The following PHACTR1 variants were observed in gnomAD, a reference collection of about 807,000 sequenced individuals.
PHACTR1 encodes phosphatase and actin regulator 1.
PHACTR1 carries 16 observed loss-of-function variants against 69.2 expected under a neutral mutation model. The ratio of observed to expected loss-of-function variants is 0.23; its 90% CI spans 0.16 to 0.35. The LOEUF is 0.35. Among genes scored for constraint, PHACTR1 ranks in the 10% least tolerant of loss-of-function variants. PHACTR1 has a pLI of 1.00. For missense variants in PHACTR1, 510 were observed against 734.7 expected, an observed-to-expected ratio of 0.69 and a Z score of 3.54; for synonymous variants, 312 against 284.5, an observed-to-expected ratio of 1.10 and a Z score of -0.97.
intron 5 of PHACTR1, among the ~76,000 whole-genome samples, chr6:13,143,952 G>C (rs1255905148): frequency 6.6e-6 from 1 of 151,986 alleles, no homozygotes; most frequent in East Asian, 1.9e-4. Context: ...GAATAAAGGG[G>C]AATATCTTAT....
At chr6:12,758,465 C>A (rs1014964614) in intron 4 of PHACTR1, among the ~76,000 whole-genome samples, 58 of 81,576 alleles carry the variant, frequency 7.1e-4, no homozygotes, top group Middle Eastern at 9.6e-3. Flanking sequence ...GACTCTCTTT[C>A]TAAAAAAAAA....
chr6:13,006,649 G>T (rs1224481069), intron 4 of PHACTR1, among the ~76,000 whole-genome samples: 1 of 151,298 alleles, frequency 6.6e-6, no homozygotes, highest in Non-Finnish European at 1.5e-5. Flanking sequence ...ATTAAATAAG[G>T]TGATATATGA....
At chr6:12,809,025 G>A (rs1040982143) in intron 4 of PHACTR1, among the ~76,000 whole-genome samples, 2 of 151,846 alleles carry the variant, frequency 1.3e-5, no homozygotes, top group African/African-American at 4.8e-5. Context: ...CTATAGTCAT[G>A]TGCCACCACT....
At chr6:12,857,879 C>G (rs1268189328) in intron 4 of PHACTR1, among the ~76,000 whole-genome samples, 1 of 152,164 alleles carries the variant, frequency 6.6e-6, no homozygotes, top group East Asian at 1.9e-4. Flanking sequence ...GATTTGTAGT[C>G]ACAAGATCTG....
chr6:13,177,168 T>C, intron 6 of PHACTR1, among the ~76,000 whole-genome samples: 1 of 54,872 alleles, frequency 1.8e-5, no homozygotes, highest in Non-Finnish European at 2.9e-5. Flanking sequence ...CAAGACCCCA[T>C]CTCTAAAAAA....
intron 4 of PHACTR1, among the ~76,000 whole-genome samples, chr6:13,037,585 G>A (rs1158320307): frequency 6.6e-6 from 1 of 152,218 alleles, no homozygotes; most frequent in Non-Finnish European, 1.5e-5. Flanking sequence ...TCTTGTGTTT[G>A]AAGACTAGAG....
At position 12,977,203 on chromosome 6, in the gene PHACTR1, C is replaced by T. The variant is rs1206337214; in HGVS notation, c.251-76162C>T. On this transcript the variant is annotated intron_variant, in intron 4 of 14. Transcript: ENST00000332995. ...TTGACCTCAGGTGATCCACCTGCCT[C>T]GGCCTTCCAAAGTTCTAGGATTACA... is the stretch of plus-strand genomic sequence containing the variant. Among the ~76,000 whole-genome samples, 5 of 152,292 alleles carry T rather than the reference C, an allele frequency of 3.3e-5. No homozygotes were observed. In the South Asian group the frequency reaches 6.2e-4, roughly 19 times the overall value.
chr6:12,726,740 G>A (rs1276333872), intron 3 of PHACTR1, among the ~76,000 whole-genome samples: 2 of 152,168 alleles, frequency 1.3e-5, no homozygotes, highest in African/African-American at 4.8e-5. Flanking sequence ...AAGGACTGGG[G>A]CAGGAACAGT....
chr6:12,887,834 C>G (rs1269611899), intron 4 of PHACTR1, among the ~76,000 whole-genome samples: 1 of 151,680 alleles, frequency 6.6e-6, no homozygotes, highest in African/African-American at 2.4e-5. Flanking sequence ...TTTGGGAGAC[C>G]AAGGCGGGTG....
chr6:12,870,765 T>C (rs1415603954), intron 4 of PHACTR1, among the ~76,000 whole-genome samples: 2 of 151,962 alleles, frequency 1.3e-5, no homozygotes, highest in Non-Finnish European at 2.9e-5. Flanking sequence ...CAGCTAGGAG[T>C]CAACAGCCAC....
intron 5 of PHACTR1, among the ~76,000 whole-genome samples, chr6:13,102,831 G>T (rs1815394278): frequency 6.6e-6 from 1 of 152,192 alleles, no homozygotes; most frequent in Non-Finnish European, 1.5e-5. Flanking sequence ...GTTGCATTAT[G>T]TTATTCATAT....
intron 4 of PHACTR1, among the ~76,000 whole-genome samples, chr6:12,959,994 T>C (rs777050297): frequency 7.6e-4 from 116 of 152,330 alleles, no homozygotes; most frequent in African/African-American, 2.4e-3. Context: ...ACTGGTGAAA[T>C]AGGACAGATT....
At chr6:12,909,279 C>G (rs1786093425) in intron 4 of PHACTR1, among the ~76,000 whole-genome samples, 2 of 152,196 alleles carry the variant, frequency 1.3e-5, no homozygotes, top group South Asian at 4.1e-4. Context: ...TCACTGCAAC[C>G]TATTCTTCCT....
chr6:13,209,729 A>G (rs1766515433), intron 8 of PHACTR1, among the ~76,000 whole-genome samples: 1 of 152,230 alleles, frequency 6.6e-6, no homozygotes, highest in Non-Finnish European at 1.5e-5. Flanking sequence ...CTGCTCCAAC[A>G]GGACGTTCCC....
intron 4 of PHACTR1, among the ~76,000 whole-genome samples, chr6:12,911,766 A>T (rs1349543122): frequency 1.3e-5 from 2 of 152,188 alleles, no homozygotes; most frequent in Non-Finnish European, 2.9e-5. Flanking sequence ...ATACATTTAT[A>T]AGTGCCTTTG....
At chr6:13,190,198 ATT>A (rs1215055032) in intron 7 of PHACTR1, among the ~76,000 whole-genome samples, 5 of 87,248 alleles carry the variant, frequency 5.7e-5, no homozygotes, top group Non-Finnish European at 6.4e-5. Flanking sequence ...TAATTTTTGT[ATT>A]TTTTTTTTTT....
chr6:12,817,552 A>G (rs761044166), intron 4 of PHACTR1, among the ~76,000 whole-genome samples: 1 of 152,238 alleles, frequency 6.6e-6, no homozygotes, highest in Non-Finnish European at 1.5e-5. Context: ...CTCTTGCTAC[A>G]GTTGAGTGAG....
chr6:13,164,137 C>A (rs757668575), intron 6 of PHACTR1, among the ~76,000 whole-genome samples: 1 of 151,570 alleles, frequency 6.6e-6, no homozygotes, highest in African/African-American at 2.4e-5. Context: ...TATCCGAATT[C>A]GGTTCCACCT....
intron 10 of PHACTR1, among the ~76,000 whole-genome samples, chr6:13,262,941 A>T (rs1441567359): frequency 6.6e-6 from 1 of 152,234 alleles, no homozygotes; most frequent in Non-Finnish European, 1.5e-5. Flanking sequence ...AGACTTTAAA[A>T]TCAAGGCCCT....
Sources: gnomAD v4.1 joint callset for allele counts (sites outside exome capture counted in the v4.1 genomes callset) on GRCh38, gnomAD v4.1.1 for gene constraint, MANE v1.5 for transcripts, NCBI Gene and HGNC (gene_info 2026-07-23, HGNC 2026-07-21) for gene names.